DSE: variants seen among roughly 807,000 people sequenced by gnomAD.
DSE encodes the protein dermatan-sulfate epimerase.
A neutral mutation model predicts 84.4 loss-of-function variants in DSE; 36 were observed. That is an observed-to-expected ratio of 0.43 (90% CI 0.33 to 0.56). The LOEUF (loss-of-function observed/expected upper bound fraction) is 0.56. DSE is among the 20% of genes least tolerant of loss of function. The pLI is 0.06. For synonymous variants in DSE, 410 were observed against 430.1 expected (o/e 0.95, Z 0.58); for missense variants, 862 against 1,169.6 (o/e 0.74, Z 3.84).
chr6:116,278,370 G>A (rs544799930), intron 2 of DSE: 5 of 995,324 alleles, frequency 5.0e-6, no homozygotes, highest in African/African-American at 3.2e-5. Flanking sequence ...TTGAGGTTGA[G>A]AGAACTGAAT....
At chr6:116,315,119 A>T (rs535692489) in intron 2 of DSE, among the ~76,000 whole-genome samples, 3 of 152,204 alleles carry the variant, frequency 2.0e-5, no homozygotes, top group African/African-American at 7.2e-5. Context: ...AGCTTCCTCC[A>T]TCTCTCTAGA....
In DSE at chr6:116,438,970, G is replaced by T. The variant is rs1428852241; in HGVS notation, c.*1625G>T. 4 of 152,110 alleles carry T rather than the reference G, an allele frequency of 2.6e-5. No individual in the cohort carries two copies. Among genetic ancestry groups the T allele is most frequent in the Non-Finnish European group, 5.9e-5 (4 of 68,002 alleles). The allele number at this position is 152,110 out of a possible 1,614,324, so 9.4% of individuals were successfully genotyped here. A position where few individuals can be genotyped will look rare whatever the true frequency, so the allele number is the denominator to read the frequency against. On this transcript the variant is annotated 3_prime_UTR_variant, in exon 6 of 6. Coordinates refer to ENST00000644252, the MANE Select transcript of DSE (RefSeq NM_013352.4). The stretch of plus-strand genomic sequence containing the variant: ...TTTCCCCTCTCATGGAAAGTCTCTA[G>T]GGAGGATGTCATTACACACTGTTTA...
chr6:116,405,856 G>T (rs1046003526), intron 2 of DSE, among the ~76,000 whole-genome samples: 1 of 152,176 alleles, frequency 6.6e-6, no homozygotes, highest in Non-Finnish European at 1.5e-5. Context: ...GAGCAGCCCA[G>T]TTACAGTGCC....
chr6:116,307,159 T>A (rs1775397471), intron 2 of DSE, among the ~76,000 whole-genome samples: 1 of 152,198 alleles, frequency 6.6e-6, no homozygotes, highest in African/African-American at 2.4e-5. Context: ...TGTTTCATCT[T>A]TCTGTCCCTA....
At chr6:116,395,168 G>A (rs1426015783) in intron 1 of DSE, among the ~76,000 whole-genome samples, 1 of 151,348 alleles carries the variant, frequency 6.6e-6, no homozygotes, top group Non-Finnish European at 1.5e-5. Context: ...GCGCACGCCT[G>A]TAATCCCAGC....
At chr6:116,394,247 T>A (rs903430356) in intron 1 of DSE, among the ~76,000 whole-genome samples, 1 of 152,176 alleles carries the variant, frequency 6.6e-6, no homozygotes, top group Admixed American at 6.5e-5. Context: ...ATAGCTGCAG[T>A]GGATTGTTGG....
chr6:116,292,571 G>A (rs1354782396), intron 2 of DSE, among the ~76,000 whole-genome samples: 2 of 152,124 alleles, frequency 1.3e-5, no homozygotes, highest in African/African-American at 4.8e-5. Flanking sequence ...ACAAGTTCAA[G>A]GAGATGCAGG....
rs1562315407 is a variant in DSE at position 116,436,770 on chromosome 6, G to C, written c.2302G>C (p.Ala768Pro). ...KQILSRVRNTASFRKTAERLL... is the reference protein window; with the variant it reads ...KQILSRVRNTPSFRKTAERLL... ...GATACTGTCCCGAGTCCGGAACACAGCTAGCTTTAGGAAGACTGCTGAACG... is the reference window on the plus strand; with the variant it reads ...GATACTGTCCCGAGTCCGGAACACACCTAGCTTTAGGAAGACTGCTGAACG... The change falls in exon 6 of 6, where the codon GCT becomes CCT. Residue 768 changes from alanine to proline, a missense_variant. By Grantham distance (27) the Ala-to-Pro change is conservative. This residue lies in a region of DSE where 315 missense variants were observed against 348.1 expected (regional missense o/e 0.90). Coordinates refer to ENST00000644252, the MANE Select transcript of DSE (RefSeq NM_013352.4). 3.7e-6 allele frequency: 6 copies of C among 1,614,040 alleles called. No individual in the cohort carries two copies. The highest frequency in any genetic ancestry group is 5.1e-6 in the Non-Finnish European group (6 of 1,180,034).
chr6:116,264,115 T>G (rs1028320489), intron 2 of DSE, among the ~76,000 whole-genome samples: 1 of 152,214 alleles, frequency 6.6e-6, no homozygotes, highest in Non-Finnish European at 1.5e-5. Flanking sequence ...TTCCCTTTAT[T>G]TCCTGTATTT....
intron 2 of DSE, among the ~76,000 whole-genome samples, chr6:116,409,566 A>C (rs1782178490): frequency 6.6e-6 from 1 of 152,222 alleles, no homozygotes; most frequent in Non-Finnish European, 1.5e-5. Context: ...GGCGTGAGCC[A>C]ACACGCCCGG....
intron 2 of DSE, among the ~76,000 whole-genome samples, chr6:116,299,392 A>G (rs771894682): frequency 6.6e-6 from 1 of 151,648 alleles, no homozygotes; most frequent in Admixed American, 6.6e-5. Flanking sequence ...ATTAGAAGTT[A>G]TCTATAATTA....
chr6:116,328,594 C>A (rs550564108), intron 2 of DSE, among the ~76,000 whole-genome samples: 130 of 152,244 alleles, frequency 8.5e-4, no homozygotes, highest in Non-Finnish European at 1.6e-3. Context: ...TACTCCACTG[C>A]CAGTATCAGC....
intron 2 of DSE, among the ~76,000 whole-genome samples, chr6:116,421,669 T>C (rs1275436526): frequency 6.6e-6 from 1 of 151,338 alleles, no homozygotes; most frequent in East Asian, 1.9e-4. Context: ...GTACAGACAG[T>C]TTTGCTATGT....
chr6:116,393,490 G>T (rs1781041849), intron 1 of DSE, among the ~76,000 whole-genome samples: 1 of 152,280 alleles, frequency 6.6e-6, no homozygotes, highest in African/African-American at 2.4e-5. Flanking sequence ...TAATCTTGCA[G>T]GTCTGAAACA....
intron 2 of DSE, among the ~76,000 whole-genome samples, chr6:116,355,147 C>G (rs1778507203): frequency 6.6e-6 from 1 of 152,200 alleles, no homozygotes; most frequent in Non-Finnish European, 1.5e-5. Flanking sequence ...TGCATACATA[C>G]AGTTTCACAC....
At chr6:116,371,704 C>T (rs1779592619) in intron 1 of DSE, among the ~76,000 whole-genome samples, 2 of 152,182 alleles carry the variant, frequency 1.3e-5, no homozygotes, top group African/African-American at 2.4e-5. Flanking sequence ...CGCCGGCACT[C>T]GGAGAAATTG....
intron 2 of DSE, among the ~76,000 whole-genome samples, chr6:116,405,437 G>C (rs985151431): frequency 4.6e-5 from 7 of 152,104 alleles, no homozygotes; most frequent in Non-Finnish European, 7.4e-5. Context: ...GGAGACAAAT[G>C]CTGGGCTGTC....
intron 2 of DSE, among the ~76,000 whole-genome samples, chr6:116,420,758 A>G (rs1467112027): frequency 1.3e-5 from 2 of 152,230 alleles, no homozygotes; most frequent in Non-Finnish European, 2.9e-5. Context: ...TGTCTATATC[A>G]AAACTATATG....
rs1207332580 is a variant in DSE at position 116,299,541 on chromosome 6, T to C, written c.-54+40574T>C. 5.1e-3 allele frequency among the ~76,000 whole-genome samples: 124 copies of C among 24,288 alleles called. 7 individuals are homozygous for C. Among genetic ancestry groups the C allele is most frequent in the African/African-American group, 0.014 (61 of 4,404 alleles). The allele number at this position is 24,288 out of a possible 152,430, so 15.9% of individuals were successfully genotyped here. Reference sequence around the variant, plus strand: ...ATATATATATATATATATATATATATATATATATATACACATACACACACA... The same window carrying C: ...ATATATATATATATATATATATATACATATATATATACACATACACACACA... On this transcript the variant is annotated intron_variant, in intron 2 of 3. Coordinates refer to the DSE transcript ENST00000430252.
Sources: allele counts gnomAD v4.1 joint callset (sites outside exome capture counted in the v4.1 genomes callset), GRCh38; gene constraint gnomAD v4.1.1; regional missense constraint gnomAD v4.1.1; transcripts MANE v1.5; gene names NCBI Gene and HGNC (gene_info 2026-07-23, HGNC 2026-07-21).